RANBP2: variants seen among roughly 807,000 people sequenced by gnomAD.
RANBP2 encodes the protein RAN binding protein 2.
In RANBP2, 57 loss-of-function variants were observed where a neutral mutation model predicts 303.6. The ratio of observed to expected loss-of-function variants is 0.19; its 90% CI spans 0.15 to 0.23. RANBP2 has a LOEUF of 0.23. Ranked by LOEUF, RANBP2 falls within the 10% of genes least tolerant of loss-of-function variation. RANBP2 has a pLI of 1.00. For synonymous variants in RANBP2, 1,167 were observed against 1,301.5 expected, an observed-to-expected ratio of 0.90 and a Z score of 2.23; for missense variants, 3,138 against 3,780.8, an observed-to-expected ratio of 0.83 and a Z score of 4.46.
chr2:109,127,841 C>A, the RANBP2 span: 1 of 152,246 alleles, frequency 6.6e-6, no homozygotes, highest in African/African-American at 2.4e-5. Context: ...GAACGAGATC[C>A]TGTCTAAAGC....
chr2:109,515,699 G>T, the RANBP2 span, among the ~76,000 whole-genome samples: 1 of 152,180 alleles, frequency 6.6e-6, no homozygotes, highest in Non-Finnish European at 1.5e-5. Context: ...AAGAAAAAAG[G>T]TTTATTTGAC....
chr2:109,629,502 G>T, the RANBP2 span, among the ~76,000 whole-genome samples: 3 of 151,216 alleles, frequency 2.0e-5, no homozygotes, highest in African/African-American at 7.3e-5. Context: ...GTACAAATTT[G>T]AATAGTAAGT....
the RANBP2 span, among the ~76,000 whole-genome samples, chr2:108,971,865 A>T: frequency 7.2e-5 from 11 of 152,170 alleles, no homozygotes; most frequent in African/African-American, 2.7e-4. Flanking sequence ...GGCAGAAGAG[A>T]CGGTGCAATT....
the RANBP2 span, among the ~76,000 whole-genome samples, chr2:109,531,107 G>A: frequency 1.7e-4 from 26 of 152,194 alleles, no homozygotes; most frequent in Non-Finnish European, 3.8e-4. Flanking sequence ...CCGAGCAGGA[G>A]AGCAGAGCAC....
In RANBP2 at chr2:108,781,264, A is replaced by G. The variant is rs1678238557; in HGVS notation, c.8600-5A>G. ...AGTGTTTAAATATCCTGATTTATTCATCAGATAAAAATTTCCAATGGGCAA... is the reference window on the plus strand; with the variant it reads ...AGTGTTTAAATATCCTGATTTATTCGTCAGATAAAAATTTCCAATGGGCAA... On this transcript the variant is annotated splice_polypyrimidine_tract_variant and splice_region_variant and intron_variant, in intron 25 of 28. Coordinates refer to ENST00000283195, the MANE Select transcript of RANBP2 (RefSeq NM_006267.5). 1 of 1,614,120 alleles carries G rather than the reference A, an allele frequency of 6.2e-7. No homozygotes were observed. The highest frequency in any genetic ancestry group is 1.3e-5 in the African/African-American group (1 of 75,056).
At chr2:108,731,592 A>C in intron 4 of RANBP2, 118 bp downstream of exon 4, 1 of 1,559,920 alleles carries the variant, frequency 6.4e-7, no homozygotes, top group Admixed American at 2.0e-5. Context: ...TCCTTTAAAA[A>C]TTTTCTTTTA....
chr2:109,487,758 C>A, the RANBP2 span, among the ~76,000 whole-genome samples: 1 of 152,164 alleles, frequency 6.6e-6, no homozygotes, highest in South Asian at 2.1e-4. Context: ...CCCACCGAGT[C>A]CCTCTCTACT....
chr2:109,129,659 C>A, the RANBP2 span: 1 of 1,506,166 alleles, frequency 6.6e-7, no homozygotes, highest in Non-Finnish European at 8.8e-7. Context: ...GCCACCGCCG[C>A]GGGGGCGGGC....
the RANBP2 span, among the ~76,000 whole-genome samples, chr2:109,121,249 TAAAACAAAACAAAACAAAAC>T: frequency 0.011 from 1,564 of 148,726 alleles, 36 homozygotes; most frequent in African/African-American, 0.034. Flanking sequence ...TCCATCTCTC[TAAAACAAAACAAAACAAAAC>T]AAAACAAAAC....
At chr2:109,308,040 A>G in the RANBP2 span, among the ~76,000 whole-genome samples, 4 of 147,026 alleles carry the variant, frequency 2.7e-5, no homozygotes, top group South Asian at 4.4e-4. Context: ...AGTCCCACCA[A>G]CAGTGTAAAG....
At chr2:109,495,626 T>C in the RANBP2 span, among the ~76,000 whole-genome samples, 1 of 84,650 alleles carries the variant, frequency 1.2e-5, no homozygotes, top group Non-Finnish European at 2.6e-5. Flanking sequence ...TAGCTGGGAT[T>C]GATTACAGGC....
the RANBP2 span, among the ~76,000 whole-genome samples, chr2:108,950,238 TCCTC>T: frequency 9.0e-5 from 8 of 88,764 alleles, no homozygotes; most frequent in African/African-American, 2.0e-4. Flanking sequence ...CCTCCCTCCC[TCCTC>T]CCTCCCTCCC....
the RANBP2 span, chr2:109,129,135 C>T: frequency 1.1e-5 from 4 of 370,620 alleles, no homozygotes; most frequent in Admixed American, 7.4e-5. Context: ...CCGGCCTCCC[C>T]GGGGACCTGG....
At chr2:109,614,963 G>A in the RANBP2 span, 22 of 1,528,104 alleles carry the variant, frequency 1.4e-5, no homozygotes, top group Non-Finnish European at 1.8e-5. Flanking sequence ...AGAACTCGCG[G>A]CGCGACGTGC....
chr2:109,378,292 C>T, the RANBP2 span, among the ~76,000 whole-genome samples: 12 of 152,288 alleles, frequency 7.9e-5, no homozygotes, highest in East Asian at 7.8e-4. Context: ...CTTCCAAAGA[C>T]CCCCTCAGCT....
the RANBP2 span, among the ~76,000 whole-genome samples, chr2:109,386,449 T>C: frequency 4.6e-5 from 7 of 151,076 alleles, no homozygotes; most frequent in South Asian, 2.1e-4. Flanking sequence ...TGGCTGCTTG[T>C]GTGGCAAGTG....
the RANBP2 span, among the ~76,000 whole-genome samples, chr2:109,174,734 T>G: frequency 1.3e-5 from 2 of 152,190 alleles, no homozygotes; most frequent in Non-Finnish European, 2.9e-5. Flanking sequence ...CCCAGCGTCT[T>G]TGGAGGAAAA....
At chr2:108,720,882 C>G (rs1224639902) in intron 1 of RANBP2, among the ~76,000 whole-genome samples, 4 of 152,086 alleles carry the variant, frequency 2.6e-5, no homozygotes, top group Non-Finnish European at 4.4e-5. Context: ...CTCGTCTCTA[C>G]TAAAAATACA....
the RANBP2 span, among the ~76,000 whole-genome samples, chr2:109,036,487 A>T: frequency 6.6e-6 from 1 of 152,218 alleles, no homozygotes; most frequent in Non-Finnish European, 1.5e-5. Context: ...AATTATATAC[A>T]CCATGATGAA....
Sources: allele counts gnomAD v4.1 joint callset (sites outside exome capture counted in the v4.1 genomes callset), GRCh38; gene constraint gnomAD v4.1.1; transcripts MANE v1.5; gene names NCBI Gene and HGNC (gene_info 2026-07-23, HGNC 2026-07-21).